ASB4: variants seen among roughly 807,000 people sequenced by gnomAD.
The protein encoded by ASB4 is ankyrin repeat and SOCS box containing 4, also known as ankyrin repeat and SOCS box protein 4.
In ASB4, 35 loss-of-function variants were observed where a neutral mutation model predicts 38.6. The observed-to-expected ratio is 0.91, with a 90% CI of 0.69 to 1.20. The LOEUF is 1.20. ASB4 is among the 50% of genes most tolerant of loss of function. ASB4 has a pLI of 0.00. For missense variants in ASB4, 557 were observed against 527.2 expected (o/e 1.06, Z -0.55); for synonymous variants, 195 against 201.3 (o/e 0.97, Z 0.26).
intron 1 of ASB4, among the ~76,000 whole-genome samples, chr7:95,495,207 G>A (rs17717858): frequency 0.16 from 24,909 of 151,988 alleles, 2,599 homozygotes; most frequent in East Asian, 0.37. Context: ...TAAATCAACA[G>A]GCAGGCAAAT....
chr7:95,502,276 T>C (rs547664614), intron 2 of ASB4, among the ~76,000 whole-genome samples: 40 of 152,156 alleles, frequency 2.6e-4, no homozygotes, highest in Admixed American at 1.1e-3. Flanking sequence ...GACAATTAGC[T>C]ATTTTGTTGT....
At position 95,524,551 on chromosome 7, in the gene ASB4, T is replaced by C. The variant is rs138641653; in HGVS notation, c.488-3262T>C. Among the ~76,000 whole-genome samples the C allele has an allele frequency of 4.9e-3, 750 of 152,246 alleles. 5 individuals carry two copies. The highest frequency in any genetic ancestry group is 0.017 in the African/African-American group (710 of 41,520). On this transcript the variant is annotated intron_variant, in intron 2 of 4. Coordinates refer to ENST00000325885, the MANE Select transcript of ASB4 (RefSeq NM_016116.3). ...ATACTATGTAACGTATGTTATGTGT[T>C]ATGGGTCGAATTGTGCGCCACCCCC...
the ASB4 span, among the ~76,000 whole-genome samples, chr7:95,549,073 A>G: frequency 6.6e-6 from 1 of 152,068 alleles, no homozygotes; most frequent in African/African-American, 2.4e-5. Flanking sequence ...TGACAAAATT[A>G]ATTTTGGACA....
chr7:95,537,810 G>A lies in ASB4; in HGVS notation c.*51G>A, dbSNP rs539343126. The stretch of plus-strand genomic sequence containing the variant: ...CCTAGGTATTTAAGTGGACTTGCTG[G>A]GTAGACACAGTTTGCCTAAATAAAA... On this transcript the variant is annotated 3_prime_UTR_variant, in exon 5 of 5. Transcript: ENST00000325885. The A allele has an allele frequency of 1.3e-6, 2 of 1,503,182 alleles. No homozygotes were observed. Among genetic ancestry groups the A allele is most frequent in the South Asian group, 1.2e-5 (1 of 80,554 alleles). 93.1% of individuals were successfully genotyped at this position (1,503,182 alleles called of 1,614,324 possible).
chr7:95,497,697 CT>C (rs1207611226), intron 2 of ASB4, among the ~76,000 whole-genome samples: 1 of 152,162 alleles, frequency 6.6e-6, no homozygotes, highest in Non-Finnish European at 1.5e-5. Context: ...TCCTCTCCCC[CT>C]CTACATCTAC....
intron 2 of ASB4, among the ~76,000 whole-genome samples, chr7:95,511,423 G>C (rs1790478893): frequency 6.6e-6 from 1 of 152,138 alleles, no homozygotes; most frequent in Non-Finnish European, 1.5e-5. Flanking sequence ...GACCTGGGTG[G>C]TAAGAGTAGG....
In ASB4 at chr7:95,495,799, A is replaced by G. The variant is rs1031541136; in HGVS notation, c.229A>G (p.Thr77Ala). Residue 77 changes from threonine to alanine, a missense_variant, in exon 2 of 5, where the codon ACA (threonine) becomes GCA (alanine). Physicochemically the swap from Thr to Ala is moderately conservative, Grantham distance 58. Transcript: ENST00000325885. Reference protein sequence around the residue: ...PSYKLKSSWATGLHLSVLFGH... With the variant: ...PSYKLKSSWAAGLHLSVLFGH... ...CTATAAATTGAAGTCTTCCTGGGCC[A>G]CAGGCCTCCATCTCTCTGTCTTGTT... 3.1e-6 allele frequency: 5 copies of G among 1,610,460 alleles called. No homozygotes were observed. The African/African-American group carries it at 6.8e-5, about 22-fold the overall frequency.
At chr7:95,517,474 T>C (rs1790599668) in intron 2 of ASB4, among the ~76,000 whole-genome samples, 1 of 151,998 alleles carries the variant, frequency 6.6e-6, no homozygotes, top group Non-Finnish European at 1.5e-5. Flanking sequence ...TAATAGGAAG[T>C]GCAAGGAGCA....
At position 95,520,182 on chromosome 7, in the gene ASB4, C is replaced by A. The variant is rs945223129; in HGVS notation, c.488-7631C>A. On this transcript the variant is annotated intron_variant, in intron 2 of 4. Coordinates refer to ENST00000325885, the MANE Select transcript of ASB4 (RefSeq NM_016116.3). ...AATTCTGAATTTTGAAAGTGTCCCC[C>A]CAACAGGGGCACATGTGCCTCTGAC... Among the ~76,000 whole-genome samples the A allele has an allele frequency of 5.3e-5, 8 of 152,138 alleles. No individual in the cohort carries two copies. The East Asian group carries it at 1.3e-3, about 26-fold the overall frequency.
chr7:95,548,206 G>A, the ASB4 span, among the ~76,000 whole-genome samples: 3 of 152,176 alleles, frequency 2.0e-5, no homozygotes, highest in East Asian at 5.8e-4. Context: ...TCCGGTTGCT[G>A]TCATTCTTGT....
chr7:95,547,892 T>C, the ASB4 span, among the ~76,000 whole-genome samples: 1 of 152,242 alleles, frequency 6.6e-6, no homozygotes, highest in East Asian at 1.9e-4. Flanking sequence ...TGGCTTCCCC[T>C]GCAGATTTCA....
the ASB4 span, among the ~76,000 whole-genome samples, chr7:95,547,671 G>A: frequency 3.0e-4 from 45 of 152,216 alleles, no homozygotes; most frequent in African/African-American, 8.2e-4. Flanking sequence ...ATGTTGCTGT[G>A]GAAATATTTT....
intron 1 of ASB4, among the ~76,000 whole-genome samples, chr7:95,494,064 A>T (rs1203792823): frequency 1.3e-5 from 2 of 152,142 alleles, no homozygotes; most frequent in East Asian, 1.9e-4. Flanking sequence ...TTTTTTGTGG[A>T]GTTGTGCAAT....
chr7:95,524,546 T>C (rs1295880290), intron 2 of ASB4, among the ~76,000 whole-genome samples: 3 of 152,190 alleles, frequency 2.0e-5, no homozygotes, highest in East Asian at 1.9e-4. Flanking sequence ...ACGTATGTTA[T>C]GTGTTATGGG....
rs539455451 is a variant in ASB4, at chr7:95,538,919, A to G, written c.*1160A>G. On this transcript the variant is annotated 3_prime_UTR_variant, in exon 5 of 5. Coordinates refer to ENST00000325885, the MANE Select transcript of ASB4 (RefSeq NM_016116.3). ...AGTGACAGTGGGCTACGAAAAGTAA[A>G]TAGAGAGACTTTTTGAAAATGGTAA... is the stretch of plus-strand genomic sequence containing the variant. 6.6e-6 allele frequency: 1 copy of G among 152,292 alleles called. No homozygotes were observed. Among genetic ancestry groups the G allele is most frequent in the African/African-American group, 2.4e-5 (1 of 41,558 alleles). The allele number at this position is 152,292 out of a possible 1,614,324, so 9.4% of individuals were successfully genotyped here.
intron 2 of ASB4, among the ~76,000 whole-genome samples, chr7:95,520,171 A>G (rs1393818318): frequency 1.3e-5 from 2 of 152,200 alleles, no homozygotes; most frequent in Admixed American, 1.3e-4. Flanking sequence ...CTGAATTTTG[A>G]AAGTGTCCCC....
intron 1 of ASB4, 27 bp from the exon 2 acceptor site, chr7:95,495,731 C>T (rs779836593): frequency 3.8e-5 from 58 of 1,510,368 alleles, no homozygotes; most frequent in Admixed American, 1.4e-4. Flanking sequence ...GTTAAACTTT[C>T]CTTTTCCTTT....
chr7:95,502,804 A>G (rs1457193288), intron 2 of ASB4, among the ~76,000 whole-genome samples: 1 of 152,240 alleles, frequency 6.6e-6, no homozygotes, highest in African/African-American at 2.4e-5. Context: ...AATTGAAAAT[A>G]TATAGATAGG....
upstream of ASB4, among the ~76,000 whole-genome samples, chr7:95,485,486 G>A (rs187308064): frequency 3.0e-3 from 450 of 152,162 alleles, 5 homozygotes; most frequent in African/African-American, 9.9e-3. Flanking sequence ...GATTTTACAA[G>A]CTCATATTGC....
Sources: allele counts gnomAD v4.1 joint callset (sites outside exome capture counted in the v4.1 genomes callset), GRCh38; gene constraint gnomAD v4.1.1; transcripts MANE v1.5; gene names NCBI Gene and HGNC (gene_info 2026-07-23, HGNC 2026-07-21).